The following NEMP2 variants were observed in gnomAD, a reference collection of about 807,000 sequenced individuals.
The protein encoded by NEMP2 is UPF0571 transmembrane protein.
A neutral mutation model predicts 54.2 loss-of-function variants in NEMP2; 53 were observed. The observed-to-expected ratio is 0.98, with a 90% CI of 0.78 to 1.23. The LOEUF (loss-of-function observed/expected upper bound fraction) is 1.23, where lower values mean the gene tolerates loss of function less well. Ranked by LOEUF, NEMP2 falls within the 50% of genes most tolerant of loss-of-function variation. The pLI, the probability that NEMP2 is intolerant of heterozygous loss-of-function variation, is 0.00. For synonymous variants in NEMP2, 197 were observed against 190.3 expected, an observed-to-expected ratio of 1.04 and a Z score of -0.29; for missense variants, 455 against 511.3, an observed-to-expected ratio of 0.89 and a Z score of 1.06.
the NEMP2 span, among the ~76,000 whole-genome samples, chr2:190,566,954 CA>C: frequency 1.3e-5 from 2 of 150,928 alleles, no homozygotes; most frequent in African/African-American, 2.4e-5. Flanking sequence ...TATAAGTCGG[CA>C]AAAAAATACC....
the NEMP2 span, among the ~76,000 whole-genome samples, chr2:190,480,633 G>A: frequency 2.0e-4 from 31 of 152,056 alleles, no homozygotes; most frequent in Admixed American, 4.6e-4. Context: ...GCAATAATCC[G>A]GAAACCATAA....
At chr2:190,539,663 T>C (rs1308310666), upstream of NEMP2, among the ~76,000 whole-genome samples, 1 of 152,192 alleles carries the variant, frequency 6.6e-6, no homozygotes, top group Non-Finnish European at 1.5e-5. The surrounding 1 kb of genome is among the most constrained non-coding windows in gnomAD (Gnocchi z 4.1). Context: ...CTAGGTATTT[T>C]ATACTCTTTG....
chr2:190,443,137 C>A, the NEMP2 span: 2 of 152,192 alleles, frequency 1.3e-5, no homozygotes, highest in Non-Finnish European at 2.9e-5. This position sits in a 1 kb window ranked among gnomAD's most constrained non-coding sequence, Gnocchi z 4.2. Context: ...ATCACCTGAG[C>A]CAGGAACCCT....
the NEMP2 span, among the ~76,000 whole-genome samples, chr2:190,491,100 T>A: frequency 6.6e-6 from 1 of 152,172 alleles, no homozygotes; most frequent in Non-Finnish European, 1.5e-5. The surrounding 1 kb of genome is among the most constrained non-coding windows in gnomAD (Gnocchi z 4.2). Flanking sequence ...TTGCTATTAA[T>A]CACAAAAAAA....
the NEMP2 span, chr2:190,436,614 G>A: frequency 6.2e-7 from 1 of 1,614,148 alleles, no homozygotes. The surrounding 1 kb of genome is among the most constrained non-coding windows in gnomAD (Gnocchi z 5.3). Context: ...CACCAAAAAT[G>A]CGTGAGAAAA....
the NEMP2 span, among the ~76,000 whole-genome samples, chr2:190,474,678 T>A: frequency 1.3e-5 from 2 of 152,066 alleles, no homozygotes; most frequent in Non-Finnish European, 1.5e-5. Flanking sequence ...ACTATTCCAA[T>A]CAAGAGAAAA....
chr2:190,488,671 G>C, the NEMP2 span: 6 of 1,557,060 alleles, frequency 3.9e-6, no homozygotes, highest in Non-Finnish European at 5.2e-6. The surrounding 1 kb of genome is among the most constrained non-coding windows in gnomAD (Gnocchi z 6.4). Flanking sequence ...GACACACGCG[G>C]CCATCTGGGC....
At chr2:190,495,969 A>G in the NEMP2 span, among the ~76,000 whole-genome samples, 3 of 152,332 alleles carry the variant, frequency 2.0e-5, 1 homozygote, top group East Asian at 5.8e-4. This position sits in a 1 kb window ranked among gnomAD's most constrained non-coding sequence, Gnocchi z 4.7. Context: ...AGCAAATGCA[A>G]CAAAAACAAA....
At chr2:190,548,122 A>G in the NEMP2 span, among the ~76,000 whole-genome samples, 1 of 152,092 alleles carries the variant, frequency 6.6e-6, no homozygotes, top group African/African-American at 2.4e-5. Flanking sequence ...TCAGGCATGC[A>G]TTCTGCAGGT....
the NEMP2 span, among the ~76,000 whole-genome samples, chr2:190,549,206 G>A: frequency 6.6e-6 from 1 of 152,206 alleles, no homozygotes; most frequent in African/African-American, 2.4e-5. Flanking sequence ...GGCTTCCGCA[G>A]ACTTGGGTTT....
rs564513243 is a variant in NEMP2, at chr2:190,530,184, G to C, written c.97+4375C>G. 6.6e-6 allele frequency among the ~76,000 whole-genome samples: 1 copy of C among 152,334 alleles called. No individual in the cohort carries two copies. The highest frequency in any genetic ancestry group is 1.9e-4 in the East Asian group (1 of 5,186). On this transcript the variant is annotated intron_variant, in intron 1 of 8. Transcript: ENST00000409150. This position sits in a 1 kb window ranked among gnomAD's most constrained non-coding sequence, Gnocchi z 4.6. ...ATTAAGGACAGCATAGAAGGAAGGA[G>C]GTTGTCCTGACTGTTCATGCCTATA...
Position 190,534,606 on chromosome 2 carries a change from AG to A in NEMP2, c.49del (p.Leu17TrpfsTer23). ...RWWLLLWLPPLATLPVRGEAA... is the reference protein window; with the variant it reads ...RWWLLLWLPPXATLPVRGEAA... ...CTCCCCGCGCACGGGCAGTGTGGCC[AG>A]GGGCGGCAGCCAGAGCAGCAGCCAC... On this transcript the variant is annotated frameshift_variant, in exon 1 of 9. Transcript: ENST00000409150. LOFTEE classifies it high-confidence loss of function. The A allele has an allele frequency of 7.2e-7, 1 of 1,390,388 alleles. No homozygotes were observed. 86.1% of individuals were successfully genotyped at this position (1,390,388 alleles called of 1,614,324 possible).
Position 190,530,603 on chromosome 2 carries a change from G to C in NEMP2, c.97+3956C>G, listed in dbSNP as rs1691109720. On this transcript the variant is annotated intron_variant, in intron 1 of 8. Coordinates refer to ENST00000409150, the MANE Select transcript of NEMP2 (RefSeq NM_001142645.2). This position sits in a 1 kb window ranked among gnomAD's most constrained non-coding sequence, Gnocchi z 4.6. ...CAATCTTAGATTGATTATAAAGGCT[G>C]TATCTTTCTTAGGTCTCTCCTCCCT... Among the ~76,000 whole-genome samples the C allele has an allele frequency of 6.6e-6, 1 of 152,134 alleles. No homozygotes were observed. The highest frequency in any genetic ancestry group is 1.5e-5 in the Non-Finnish European group (1 of 68,024).
chr2:190,424,422 G>A, the NEMP2 span, among the ~76,000 whole-genome samples: 1 of 151,606 alleles, frequency 6.6e-6, no homozygotes, highest in African/African-American at 2.4e-5. The surrounding 1 kb of genome is among the most constrained non-coding windows in gnomAD (Gnocchi z 5.9). Flanking sequence ...TGCAACCTCC[G>A]CCTCCCAGGT....
At chr2:190,494,923 C>T in the NEMP2 span, among the ~76,000 whole-genome samples, 1 of 152,066 alleles carries the variant, frequency 6.6e-6, no homozygotes, top group Non-Finnish European at 1.5e-5. This position sits in a 1 kb window ranked among gnomAD's most constrained non-coding sequence, Gnocchi z 5.7. Flanking sequence ...GGAAGCATTC[C>T]CTCTGAAAAT....
At chr2:190,593,899 T>C in the NEMP2 span, among the ~76,000 whole-genome samples, 1 of 152,222 alleles carries the variant, frequency 6.6e-6, no homozygotes, top group African/African-American at 2.4e-5. The surrounding 1 kb of genome is among the most constrained non-coding windows in gnomAD (Gnocchi z 4.5). Context: ...GCCTATACTC[T>C]TGTTTCCCCA....
chr2:190,555,291 C>G, the NEMP2 span, among the ~76,000 whole-genome samples: 64 of 152,082 alleles, frequency 4.2e-4, 1 homozygote, highest in Admixed American at 3.7e-3. The surrounding 1 kb of genome is among the most constrained non-coding windows in gnomAD (Gnocchi z 4.8). Flanking sequence ...TCCTTGCCAG[C>G]AAGAGAACAA....
the NEMP2 span, among the ~76,000 whole-genome samples, chr2:190,487,091 C>T: frequency 6.6e-6 from 1 of 152,194 alleles, no homozygotes; most frequent in East Asian, 1.9e-4. The surrounding 1 kb of genome is among the most constrained non-coding windows in gnomAD (Gnocchi z 5.5). Context: ...CTCACTAATC[C>T]CAGCACTTTG....
upstream of NEMP2, among the ~76,000 whole-genome samples, chr2:190,538,106 G>A (rs1371867687): frequency 6.6e-6 from 1 of 152,112 alleles, no homozygotes; most frequent in Admixed American, 6.5e-5. This position sits in a 1 kb window ranked among gnomAD's most constrained non-coding sequence, Gnocchi z 4.1. Context: ...GGGAAAAAAA[G>A]GCAATCTCTC....
Sources: allele counts gnomAD v4.1 joint callset (sites outside exome capture counted in the v4.1 genomes callset), GRCh38; gene constraint gnomAD v4.1.1; non-coding constraint Gnocchi (gnomAD v3.1); transcripts MANE v1.5; gene names NCBI Gene and HGNC (gene_info 2026-07-23, HGNC 2026-07-21).